DLG2: variants seen among roughly 807,000 people sequenced by gnomAD.
DLG2 encodes the protein disks large homolog 2.
A neutral mutation model predicts 132.5 loss-of-function variants in DLG2; 45 were observed. That is an observed-to-expected ratio of 0.34 (90% CI 0.27 to 0.44). DLG2 has a LOEUF of 0.44. Ranked by LOEUF, DLG2 falls within the 20% of genes least tolerant of loss-of-function variation. DLG2 has a pLI of 1.00. For missense variants in DLG2, 1,045 were observed against 1,196.9 expected (o/e 0.87, Z 1.87); for synonymous variants, 424 against 419.6 (o/e 1.01, Z -0.13).
intron 6 of DLG2, among the ~76,000 whole-genome samples, chr11:84,562,017 C>A (rs1035489174): frequency 6.6e-6 from 1 of 151,872 alleles, no homozygotes; most frequent in African/African-American, 2.4e-5. Context: ...TAAATACATA[C>A]CCCTTATGTA....
intron 7 of DLG2, among the ~76,000 whole-genome samples, chr11:84,328,070 T>C (rs902466745): frequency 5.9e-5 from 9 of 152,176 alleles, no homozygotes; most frequent in Admixed American, 2.0e-4. Flanking sequence ...GACTCTTTCC[T>C]GGTTGCCAAA....
At chr11:83,721,035 G>A (rs2088403180) in intron 18 of DLG2, 4 of 152,078 alleles carry the variant, frequency 2.6e-5, no homozygotes, top group Non-Finnish European at 5.9e-5. Flanking sequence ...GAAAGAATCT[G>A]GGCCTTTAGC....
chr11:84,590,178 C>T (rs961328467), intron 6 of DLG2, among the ~76,000 whole-genome samples: 2 of 152,160 alleles, frequency 1.3e-5, no homozygotes, highest in Non-Finnish European at 2.9e-5. Flanking sequence ...CACTGTAGGG[C>T]AAATAGTAAT....
chr11:84,656,249 C>G (rs1183779510), intron 6 of DLG2, among the ~76,000 whole-genome samples: 1 of 152,046 alleles, frequency 6.6e-6, no homozygotes, highest in African/African-American at 2.4e-5. Flanking sequence ...TGTGTATAAC[C>G]AGTCCAATCT....
intron 6 of DLG2, among the ~76,000 whole-genome samples, chr11:84,860,872 G>A (rs75757935): frequency 1.3e-5 from 2 of 151,674 alleles, no homozygotes; most frequent in African/African-American, 2.4e-5. Context: ...TGAAAGGAAG[G>A]GGGGAGGGGT....
At chr11:83,753,870 TA>T (rs2093513694) in intron 18 of DLG2, among the ~76,000 whole-genome samples, 1 of 90,060 alleles carries the variant, frequency 1.1e-5, no homozygotes, top group African/African-American at 7.4e-5. Context: ...ATATTTCATA[TA>T]TATGATATAT....
intron 6 of DLG2, among the ~76,000 whole-genome samples, chr11:84,760,735 C>G (rs559483891): frequency 6.6e-6 from 1 of 152,258 alleles, no homozygotes; most frequent in South Asian, 2.1e-4. Flanking sequence ...CTAATATGAA[C>G]AGGAGACAGG....
chr11:85,110,606 T>C (rs1022797787), intron 6 of DLG2, among the ~76,000 whole-genome samples: 14 of 152,038 alleles, frequency 9.2e-5, no homozygotes, highest in Admixed American at 2.6e-4. Flanking sequence ...CATCTCTCCT[T>C]CACTAAAGGT....
chr11:84,640,525 A>G, intron 6 of DLG2: 1 of 363,890 alleles, frequency 2.7e-6, no homozygotes, highest in South Asian at 2.3e-5. Context: ...GATGGTATCT[A>G]TGTGTCTGAA....
chr11:83,776,370 G>A (rs1261652439), intron 18 of DLG2, among the ~76,000 whole-genome samples: 2 of 151,978 alleles, frequency 1.3e-5, no homozygotes, highest in Non-Finnish European at 2.9e-5. Flanking sequence ...CTGCAAGCTG[G>A]ATTGCTGTGA....
At chr11:84,457,112 A>G (rs2099067476) in intron 7 of DLG2, among the ~76,000 whole-genome samples, 1 of 151,258 alleles carries the variant, frequency 6.6e-6, no homozygotes, top group South Asian at 2.1e-4. Flanking sequence ...TATTAGGTAC[A>G]AAAACCATAT....
intron 9 of DLG2, among the ~76,000 whole-genome samples, chr11:84,101,102 T>C (rs1161958747): frequency 1.3e-5 from 2 of 152,174 alleles, no homozygotes; most frequent in East Asian, 3.9e-4. Context: ...CCTCTGTACC[T>C]GGCACTAGAC....
At chr11:85,054,076 C>T (rs2063196631) in intron 6 of DLG2, among the ~76,000 whole-genome samples, 1 of 151,692 alleles carries the variant, frequency 6.6e-6, no homozygotes, top group African/African-American at 2.4e-5. Context: ...ACCAGCCTAA[C>T]CAACATGGTG....
In DLG2 at chr11:83,759,338, T is replaced by C. The variant is rs191595135; in HGVS notation, c.1825+27352A>G. 2.0e-4 allele frequency among the ~76,000 whole-genome samples: 30 copies of C among 152,260 alleles called. No homozygotes were observed. The East Asian group carries it at 5.0e-3, about 25-fold the overall frequency. On this transcript the variant is annotated intron_variant, in intron 18 of 27. Transcript: ENST00000376104. ...CACATTCCAAATCAAGGCACATGCA[T>C]GAGCATAGAATTGTGGTTGGAGAGA...
At chr11:84,715,504 C>A (rs553817969) in intron 6 of DLG2, among the ~76,000 whole-genome samples, 2 of 152,160 alleles carry the variant, frequency 1.3e-5, no homozygotes, top group Admixed American at 6.6e-5. Context: ...ATAACCGCAA[C>A]TTTGTTTCCT....
At chr11:84,714,617 T>TCTCTC (rs2060938628) in intron 6 of DLG2, among the ~76,000 whole-genome samples, 10 of 96,638 alleles carry the variant, frequency 1.0e-4, no homozygotes, top group African/African-American at 4.4e-4. Flanking sequence ...CTCTTTCTCT[T>TCTCTC]TCTCTTTCTC....
rs143345032 is a variant in DLG2 at position 85,259,350 on chromosome 11, C to T, written c.186+25870G>A. ...TGATTGTAAGTTTCCTGAGGCCTCC[C>T]GAGAAGCAGAAGCCTGTATATCCTG... On this transcript the variant is annotated intron_variant, in intron 4 of 27. Coordinates refer to ENST00000376104, the MANE Select transcript of DLG2 (RefSeq NM_001142699.3). Among the ~76,000 whole-genome samples, 699 of 152,180 alleles carry T rather than the reference C, an allele frequency of 4.6e-3. 4 individuals carry two copies. Among genetic ancestry groups the T allele is most frequent in the African/African-American group, 0.016 (647 of 41,518 alleles).
chr11:85,492,770 C>T (rs77687788), intron 3 of DLG2, among the ~76,000 whole-genome samples: 5,400 of 148,270 alleles, frequency 0.036, 146 homozygotes, highest in Admixed American at 0.053. Flanking sequence ...AGGGAGGTAC[C>T]TTAAAAGGAT....
chr11:84,695,571 A>G (rs1045212531), intron 6 of DLG2, among the ~76,000 whole-genome samples: 2 of 151,620 alleles, frequency 1.3e-5, no homozygotes, highest in African/African-American at 4.8e-5. Flanking sequence ...TTTGTCAGAA[A>G]GCATGGAATG....
Sources: gnomAD v4.1 joint callset for allele counts (sites outside exome capture counted in the v4.1 genomes callset) on GRCh38, gnomAD v4.1.1 for gene constraint, MANE v1.5 for transcripts, NCBI Gene and HGNC (gene_info 2026-07-23, HGNC 2026-07-21) for gene names.